The following VPS45 variants were observed in gnomAD, a reference collection of about 807,000 sequenced individuals.
VPS45 encodes the protein vacuolar protein sorting-associated protein 45.
A neutral mutation model predicts 75.9 loss-of-function variants in VPS45; 35 were observed. That is an observed-to-expected ratio of 0.46 (90% CI 0.35 to 0.61). The LOEUF is 0.61. VPS45 is among the 20% of genes least tolerant of loss of function. The pLI, the probability that VPS45 is intolerant of heterozygous loss-of-function variation, is 0.00. For missense variants in VPS45, 559 were observed against 685.9 expected, an observed-to-expected ratio of 0.81 and a Z score of 2.07; for synonymous variants, 220 against 238.2, an observed-to-expected ratio of 0.92 and a Z score of 0.70.
intron 2 of VPS45, among the ~76,000 whole-genome samples, chr1:150,069,915 A>G (rs1187173249): frequency 6.6e-6 from 1 of 152,124 alleles, no homozygotes; most frequent in African/African-American, 2.4e-5. Context: ...AAACTCCTTA[A>G]TTGTAGCCTT....
chr1:150,112,525 A>G (rs1369780595), intron 14 of VPS45, among the ~76,000 whole-genome samples: 9 of 152,164 alleles, frequency 5.9e-5, no homozygotes, highest in Admixed American at 1.3e-4. Context: ...TACAGTGAGA[A>G]ATATTACAGT....
intron 14 of VPS45, among the ~76,000 whole-genome samples, chr1:150,113,015 A>G (rs1207779040): frequency 2.6e-5 from 4 of 152,104 alleles, no homozygotes; most frequent in East Asian, 3.9e-4. Flanking sequence ...TTCGAACACT[A>G]TTGGGTAGGG....
intron 2 of VPS45, 47 bp downstream of exon 2, chr1:150,068,811 C>T: frequency 6.7e-7 from 1 of 1,487,086 alleles, no homozygotes; most frequent in Non-Finnish European, 9.0e-7. Flanking sequence ...ATGCAGAACA[C>T]TCTGATCTGA....
chr1:150,140,210 C>T lies in VPS45; in HGVS notation c.1626-4499C>T, dbSNP rs148335032. On this transcript the variant is annotated intron_variant, in intron 14 of 14. Transcript: ENST00000644510. ...TGAGCCACCGCACCCAGCCCAGTCA[C>T]TAGTTTTAAAATCTCACACCACTAC... Among the ~76,000 whole-genome samples, 11 of 152,278 alleles carry T rather than the reference C, an allele frequency of 7.2e-5. No individual in the cohort carries two copies. In the East Asian group the frequency reaches 1.9e-3, roughly 27 times the overall value.
At chr1:150,110,464 C>A in intron 13 of VPS45, 32 bp from the exon 14 acceptor site, 3 of 1,564,162 alleles carry the variant, frequency 1.9e-6, no homozygotes, top group South Asian at 1.2e-5. Context: ...TTTTCTTATC[C>A]TGTGATAATA....
intron 3 of VPS45, among the ~76,000 whole-genome samples, chr1:150,074,683 G>A (rs782433903): frequency 5.9e-5 from 9 of 152,160 alleles, no homozygotes; most frequent in African/African-American, 1.4e-4. Context: ...CCACCGCACC[G>A]AACTTTTAAA....
At chr1:150,080,032 T>C (rs74127416) in intron 7 of VPS45, among the ~76,000 whole-genome samples, 5,157 of 152,226 alleles carry the variant, frequency 0.034, 238 homozygotes, top group African/African-American at 0.11. Context: ...ACAATTTCTG[T>C]CCTCAAAGAG....
chr1:150,123,071 C>G (rs1553810014), intron 14 of VPS45, among the ~76,000 whole-genome samples: 1 of 151,476 alleles, frequency 6.6e-6, no homozygotes, highest in Non-Finnish European at 1.5e-5. Context: ...ACTTCTGTCT[C>G]TACAAATGTC....
chr1:150,128,063 G>A (rs1472834361), intron 14 of VPS45, among the ~76,000 whole-genome samples: 1 of 152,142 alleles, frequency 6.6e-6, no homozygotes, highest in African/African-American at 2.4e-5. Context: ...CACTTTGGGA[G>A]GCCGGGGCGG....
intron 14 of VPS45, among the ~76,000 whole-genome samples, chr1:150,135,761 C>G (rs915257144): frequency 6.6e-6 from 1 of 151,808 alleles, no homozygotes; most frequent in Admixed American, 6.6e-5. Context: ...GCCTCACCCC[C>G]CTGGGTAGCT....
At chr1:150,092,177 C>T in intron 11 of VPS45, 82 bp downstream of exon 11, 1 of 1,529,050 alleles carries the variant, frequency 6.5e-7, no homozygotes, top group East Asian at 2.3e-5. Context: ...ATAAATCATA[C>T]TATTTTTATT....
rs1436127528 is a variant in VPS45, at chr1:150,093,461, A to G, written c.1372-66A>G. ...GAGTGTATGTCCTTTTCTGATATGA[A>G]TATTATTAATTCTTGTGTTGCCAAT... On this transcript the variant is annotated intron_variant, in intron 12 of 14. Transcript: ENST00000644510. The G allele has an allele frequency of 3.8e-6, 6 of 1,568,916 alleles. No individual in the cohort carries two copies. In the East Asian group the frequency reaches 9.0e-5, roughly 23 times the overall value.
chr1:150,102,245 AAAAAAAAAAC>A (rs1238039963), intron 13 of VPS45, among the ~76,000 whole-genome samples: 5 of 148,548 alleles, frequency 3.4e-5, no homozygotes, highest in African/African-American at 1.3e-4. Context: ...CAAAAAAAAA[AAAAAAAAAAC>A]AAACACATGC....
chr1:150,110,441 C>G, intron 13 of VPS45, 55 bp from the exon 14 acceptor site: 1 of 1,521,450 alleles, frequency 6.6e-7, no homozygotes, highest in Non-Finnish European at 8.9e-7. Context: ...GTATGTAAGT[C>G]ACAGTCCTTT....
chr1:150,106,232 G>A (rs941954834), intron 13 of VPS45, among the ~76,000 whole-genome samples: 1 of 152,080 alleles, frequency 6.6e-6, no homozygotes, highest in South Asian at 2.1e-4. Flanking sequence ...AAAAGCAAAT[G>A]CAACAAAAAC....
intron 3 of VPS45, among the ~76,000 whole-genome samples, chr1:150,072,816 C>A (rs1488099654): frequency 6.6e-6 from 1 of 151,822 alleles, no homozygotes; most frequent in Non-Finnish European, 1.5e-5. Flanking sequence ...TCACATCTCA[C>A]CCCTGCCAAA....
chr1:150,092,220 T>A, intron 11 of VPS45, 82 bp from the exon 12 acceptor site: 1 of 1,532,540 alleles, frequency 6.5e-7, no homozygotes, highest in South Asian at 1.2e-5. Context: ...TTTTCATTTT[T>A]GTTTCCTTAA....
At chr1:150,109,784 G>A (rs1242588673) in intron 13 of VPS45, 3 of 152,142 alleles carry the variant, frequency 2.0e-5, no homozygotes, top group African/African-American at 4.8e-5. Context: ...AAACAACACA[G>A]TGCTACCCAA....
intron 2 of VPS45, 46 bp downstream of exon 2, chr1:150,068,810 A>G (rs782670948): frequency 3.4e-6 from 5 of 1,488,654 alleles, no homozygotes; most frequent in African/African-American, 2.8e-5. Context: ...GATGCAGAAC[A>G]CTCTGATCTG....
Sources: gnomAD v4.1 joint callset for allele counts (sites outside exome capture counted in the v4.1 genomes callset) on GRCh38, gnomAD v4.1.1 for gene constraint, MANE v1.5 for transcripts, NCBI Gene and HGNC (gene_info 2026-07-23, HGNC 2026-07-21) for gene names.